Variants in GNG7 observed in about 807,000 individuals in gnomAD.
The protein encoded by GNG7 is guanine nucleotide-binding protein G(I)/G(S)/G(O) subunit gamma-7.
In GNG7, 1 loss-of-function variant was observed where a neutral mutation model predicts 4.0. The observed-to-expected ratio is 0.25, with a 90% confidence interval of 0.09 to 1.18. The LOEUF (loss-of-function observed/expected upper bound fraction) is 1.18, where lower values mean the gene tolerates loss of function less well. Ranked by LOEUF, GNG7 falls within the 50% of genes most tolerant of loss-of-function variation. The pLI, the probability that GNG7 is intolerant of heterozygous loss-of-function variation, is 0.50. For missense variants in GNG7, 86 were observed against 91.9 expected, an observed-to-expected ratio of 0.94 and a Z score of 0.26; for synonymous variants, 34 against 36.9, an observed-to-expected ratio of 0.92 and a Z score of 0.29.
chr19:2,521,612 G>GGTTTT (rs1177641184), intron 3 of GNG7, among the ~76,000 whole-genome samples: 1 of 104,702 alleles, frequency 9.6e-6, no homozygotes, highest in Non-Finnish European at 1.8e-5. Context: ...CCCCCTCCGT[G>GGTTTT]TTTTTTTTTT....
intron 3 of GNG7, among the ~76,000 whole-genome samples, chr19:2,545,649 TAAAAAAA>T (rs34706450): frequency 1.1e-5 from 1 of 90,552 alleles, no homozygotes; most frequent in Admixed American, 1.3e-4. Flanking sequence ...GAAACTGTCT[TAAAAAAA>T]AAAAAAAAAA....
intron 1 of GNG7, among the ~76,000 whole-genome samples, chr19:2,655,389 C>T (rs1026022354): frequency 1.3e-5 from 2 of 152,052 alleles, no homozygotes; most frequent in Non-Finnish European, 2.9e-5. Context: ...GTTAGAATGG[C>T]TATGATCCAA....
chr19:2,645,584 T>C (rs922990410), intron 2 of GNG7, among the ~76,000 whole-genome samples: 79 of 152,140 alleles, frequency 5.2e-4, no homozygotes, highest in African/African-American at 1.7e-3. Flanking sequence ...GATTTTTAAG[T>C]AAGTTCACCA....
At chr19:2,676,021 G>A (rs1182633379) in intron 1 of GNG7, among the ~76,000 whole-genome samples, 1 of 152,240 alleles carries the variant, frequency 6.6e-6, no homozygotes, top group East Asian at 1.9e-4. Flanking sequence ...ATAAGACGAG[G>A]GAAATTTGGA....
chr19:2,594,439 G>GAAGA (rs768498432), intron 2 of GNG7, among the ~76,000 whole-genome samples: 1 of 121,266 alleles, frequency 8.2e-6, no homozygotes, highest in Non-Finnish European at 1.8e-5. Flanking sequence ...AGGAAGGAAG[G>GAAGA]AAGGAAGGAG....
At chr19:2,693,497 T>C (rs543907191) in intron 1 of GNG7, among the ~76,000 whole-genome samples, 104 of 151,820 alleles carry the variant, frequency 6.9e-4, no homozygotes, top group Admixed American at 1.2e-3. Context: ...TCAAAGGTAG[T>C]CTTTTTCTAC....
At chr19:2,519,260 C>T (rs1309175705) in intron 4 of GNG7, among the ~76,000 whole-genome samples, 1 of 147,560 alleles carries the variant, frequency 6.8e-6, no homozygotes, top group African/African-American at 2.5e-5. Flanking sequence ...AAGTGATTCT[C>T]CTGCCTCAGC....
chr19:2,575,581 A>G lies in GNG7; in HGVS notation c.-77-20393T>C, dbSNP rs1980289746. Among the ~76,000 whole-genome samples, 5 of 130,656 alleles carry G rather than the reference A, an allele frequency of 3.8e-5. 1 individual carries two copies. In the Admixed American group the frequency reaches 4.2e-4, roughly 11 times the overall value. The allele number at this position is 130,656 out of a possible 152,430, so 85.7% of individuals were successfully genotyped here. A position where few individuals can be genotyped will look rare whatever the true frequency, so the allele number is the denominator to read the frequency against. On this transcript the variant is annotated intron_variant, in intron 2 of 4. Transcript: ENST00000382159. The stretch of plus-strand genomic sequence containing the variant: ...CACACGCAGGCACACGCAGACACGC[A>G]GGCACACGCAGACACGCAGGCACAC...
At chr19:2,541,953 C>G (rs1029925115) in intron 3 of GNG7, among the ~76,000 whole-genome samples, 1 of 151,624 alleles carries the variant, frequency 6.6e-6, no homozygotes, top group Non-Finnish European at 1.5e-5. Context: ...TGATCAGGGC[C>G]GAGGGCTGAG....
chr19:2,552,235 G>A (rs183740378), intron 3 of GNG7, among the ~76,000 whole-genome samples: 230 of 152,028 alleles, frequency 1.5e-3, no homozygotes, highest in African/African-American at 4.9e-3. Flanking sequence ...CCCAGGAGGC[G>A]GAGTTTGCAG....
At chr19:2,605,144 G>A (rs1981338589) in intron 2 of GNG7, among the ~76,000 whole-genome samples, 2 of 152,148 alleles carry the variant, frequency 1.3e-5, no homozygotes, top group Admixed American at 1.3e-4. Context: ...CATGGCTCCA[G>A]TCTCTGCCTC....
At chr19:2,651,516 TTTCC>T (rs1324211449) in intron 1 of GNG7, among the ~76,000 whole-genome samples, 1 of 147,500 alleles carries the variant, frequency 6.8e-6, no homozygotes, top group Non-Finnish European at 1.5e-5. Flanking sequence ...TGTCTCTCTC[TTTCC>T]TTCTTTCTTC....
At chr19:2,524,903 C>A (rs543279655) in intron 3 of GNG7, among the ~76,000 whole-genome samples, 1 of 152,152 alleles carries the variant, frequency 6.6e-6, no homozygotes, top group South Asian at 2.1e-4. Flanking sequence ...TGTGTACATG[C>A]GTGTGCGTGT....
chr19:2,639,303 T>C (rs968245323), intron 2 of GNG7, among the ~76,000 whole-genome samples: 1 of 151,924 alleles, frequency 6.6e-6, no homozygotes, highest in African/African-American at 2.4e-5. Context: ...AGGAAAATAT[T>C]TGCAGAGTTC....
At position 2,650,183 on chromosome 19, in the gene GNG7, C is replaced by CTTTTTTTTT. The variant is rs529803793; in HGVS notation, c.-134-3912_-134-3904dup. Among the ~76,000 whole-genome samples the CTTTTTTTTT allele has an allele frequency of 1.6e-3, 202 of 125,942 alleles. 3 individuals are homozygous for CTTTTTTTTT. The highest frequency in any genetic ancestry group is 2.7e-3 in the African/African-American group (85 of 31,306). 82.6% of individuals were successfully genotyped at this position (125,942 alleles called of 152,430 possible). On this transcript the variant is annotated intron_variant, in intron 1 of 4. Coordinates refer to ENST00000382159, the MANE Select transcript of GNG7 (RefSeq NM_052847.3). ...CTGTGAATATTCGTGTCATAGGAATCTTTTTTTTTTTTTTTTTTGAGACAG... is the reference window on the plus strand; with the variant it reads ...CTGTGAATATTCGTGTCATAGGAATCTTTTTTTTTTTTTTTTTTTTTTTTTTTGAGACAG...
intron 3 of GNG7, among the ~76,000 whole-genome samples, chr19:2,526,191 C>T (rs1039198529): frequency 1.3e-5 from 2 of 151,662 alleles, no homozygotes; most frequent in South Asian, 2.1e-4. Context: ...AGGATGGTCT[C>T]GATCTCCTGA....
chr19:2,659,126 C>T (rs999335912), intron 1 of GNG7, among the ~76,000 whole-genome samples: 1 of 151,928 alleles, frequency 6.6e-6, no homozygotes, highest in African/African-American at 2.4e-5. Flanking sequence ...CCCGCCACCA[C>T]ACCTGGCTAA....
chr19:2,645,573 A>C (rs568991250), intron 2 of GNG7, among the ~76,000 whole-genome samples: 2 of 152,022 alleles, frequency 1.3e-5, no homozygotes, highest in Non-Finnish European at 1.5e-5. Context: ...TTTTGTTTTA[A>C]GATTTTTAAG....
chr19:2,686,861 C>T (rs891979390), intron 1 of GNG7, among the ~76,000 whole-genome samples: 3 of 151,770 alleles, frequency 2.0e-5, no homozygotes, highest in Non-Finnish European at 2.9e-5. Flanking sequence ...ACACCATTCC[C>T]CTGCCTCAGC....
Sources: gnomAD v4.1 joint callset for allele counts (sites outside exome capture counted in the v4.1 genomes callset) on GRCh38, gnomAD v4.1.1 for gene constraint, MANE v1.5 for transcripts, NCBI Gene and HGNC (gene_info 2026-07-23, HGNC 2026-07-21) for gene names.